The following GABRA2 variants were observed in gnomAD, a reference collection of about 807,000 sequenced individuals.
GABRA2 encodes gamma-aminobutyric acid receptor subunit alpha-2.
GABRA2 carries 16 observed loss-of-function variants against 48.7 expected under a neutral mutation model. The observed-to-expected ratio is 0.33, with a 90% CI of 0.22 to 0.50. The LOEUF (loss-of-function observed/expected upper bound fraction) is 0.50, where lower values mean the gene tolerates loss of function less well. GABRA2 is among the 20% of genes least tolerant of loss of function. The probability of loss-of-function intolerance (pLI) is 0.98; values close to 1 mark genes in which losing one functional copy is unlikely to be tolerated. For missense variants in GABRA2, 275 were observed against 535.6 expected, an observed-to-expected ratio of 0.51 and a Z score of 4.80; for synonymous variants, 185 against 184.5, an observed-to-expected ratio of 1.00 and a Z score of -0.02.
intron 8 of GABRA2, among the ~76,000 whole-genome samples, chr4:46,272,365 C>A: frequency 6.6e-6 from 1 of 151,776 alleles, no homozygotes; most frequent in Non-Finnish European, 1.5e-5. Flanking sequence ...GAAACCACCC[C>A]ACCAGTAATC....
chr4:46,352,681 T>A (rs997735278), intron 3 of GABRA2, among the ~76,000 whole-genome samples: 42 of 152,220 alleles, frequency 2.8e-4, no homozygotes, highest in African/African-American at 9.4e-4. Context: ...CAGGTAATTG[T>A]ATCCATTGTC....
chr4:46,299,448 C>T (rs1264285238), intron 8 of GABRA2, among the ~76,000 whole-genome samples: 1 of 151,750 alleles, frequency 6.6e-6, no homozygotes, highest in African/African-American at 2.4e-5. Context: ...GCAATTTTAA[C>T]TCACTATAGT....
chr4:46,362,943 A>T (rs1392822401), intron 3 of GABRA2, among the ~76,000 whole-genome samples: 1 of 152,186 alleles, frequency 6.6e-6, no homozygotes, highest in Non-Finnish European at 1.5e-5. Flanking sequence ...TTTATAATCT[A>T]CTCAGGTAAT....
chr4:46,277,025 A>G (rs1720636483), intron 8 of GABRA2, among the ~76,000 whole-genome samples: 1 of 152,094 alleles, frequency 6.6e-6, no homozygotes, highest in African/African-American at 2.4e-5. Flanking sequence ...CCAAAAAACA[A>G]TTGCATATAC....
chr4:46,377,643 G>T lies in GABRA2; in HGVS notation c.187+8431C>A, dbSNP rs573159738. 1.5e-4 allele frequency among the ~76,000 whole-genome samples: 22 copies of T among 150,578 alleles called. No individual in the cohort carries two copies. The South Asian group carries it at 4.4e-3, about 30-fold the overall frequency. ...CCGCCCGGCTAGCCGCCCGGTCCAG[G>T]AGGTGAGGGGCGCCTCTGCCCGGCC... On this transcript the variant is annotated intron_variant, in intron 3 of 9. Coordinates refer to ENST00000381620, the MANE Select transcript of GABRA2 (RefSeq NM_000807.4).
chr4:46,378,642 C>T (rs1036122321), intron 3 of GABRA2, among the ~76,000 whole-genome samples: 1 of 147,192 alleles, frequency 6.8e-6, no homozygotes, highest in Non-Finnish European at 1.5e-5. Flanking sequence ...GAGAAACACC[C>T]AAGAATGATC....
chr4:46,266,182 T>A (rs950350135), intron 8 of GABRA2, among the ~76,000 whole-genome samples: 1 of 151,482 alleles, frequency 6.6e-6, no homozygotes. Context: ...TATTCTCTAT[T>A]CAAGTCTTCT....
chr4:46,309,267 T>G (rs764533035), intron 6 of GABRA2, among the ~76,000 whole-genome samples: 4 of 152,162 alleles, frequency 2.6e-5, no homozygotes, highest in African/African-American at 4.8e-5. Flanking sequence ...TTCCGTTTTC[T>G]TTTGCTTGAT....
chr4:46,361,296 T>C (rs550810752), intron 3 of GABRA2, among the ~76,000 whole-genome samples: 1 of 152,244 alleles, frequency 6.6e-6, no homozygotes, highest in East Asian at 1.9e-4. Flanking sequence ...GTGTGCAGTA[T>C]AGGGACTTGG....
At chr4:46,331,736 A>G (rs1455121447) in intron 4 of GABRA2, among the ~76,000 whole-genome samples, 5 of 152,002 alleles carry the variant, frequency 3.3e-5, no homozygotes, top group Admixed American at 6.6e-5. Flanking sequence ...TTGTATTTTA[A>G]TTGATTGATT....
chr4:46,317,777 C>T (rs1728782064), intron 4 of GABRA2, among the ~76,000 whole-genome samples: 1 of 151,204 alleles, frequency 6.6e-6, no homozygotes, highest in Admixed American at 6.6e-5. Context: ...CAAATAAACT[C>T]TAAAAAAAAT....
At chr4:46,388,050 A>G (rs545841807) in intron 2 of GABRA2, among the ~76,000 whole-genome samples, 1 of 152,226 alleles carries the variant, frequency 6.6e-6, no homozygotes, top group African/African-American at 2.4e-5. Flanking sequence ...AGTACTCCTG[A>G]CTGTAAGCAT....
In GABRA2 at chr4:46,250,158, T is replaced by C. The variant is rs1009098288; in HGVS notation, c.*150A>G. On this transcript the variant is annotated 3_prime_UTR_variant, in exon 10 of 10. Coordinates refer to ENST00000381620, the MANE Select transcript of GABRA2 (RefSeq NM_000807.4). ...AGTTCCATGAGTTAGCAAATGCATGTCTCCATTAAAGGTCTACTGGTAAGC... is the reference window on the plus strand; with the variant it reads ...AGTTCCATGAGTTAGCAAATGCATGCCTCCATTAAAGGTCTACTGGTAAGC... The C allele has an allele frequency of 9.7e-6, 6 of 615,898 alleles. No individual in the cohort carries two copies. The highest frequency in any genetic ancestry group is 1.7e-5 in the Non-Finnish European group (6 of 363,348). 38.2% of individuals were successfully genotyped at this position (615,898 alleles called of 1,614,324 possible).
At chr4:46,383,783 AG>A (rs1717077458) in intron 3 of GABRA2, among the ~76,000 whole-genome samples, 1 of 152,180 alleles carries the variant, frequency 6.6e-6, no homozygotes, top group African/African-American at 2.4e-5. Flanking sequence ...AGAAGGGATG[AG>A]GAAAAAATGA....
intron 8 of GABRA2, among the ~76,000 whole-genome samples, chr4:46,271,066 G>C (rs1719235269): frequency 6.6e-6 from 1 of 151,722 alleles, no homozygotes; most frequent in African/African-American, 2.4e-5. Flanking sequence ...ATTTAAATCA[G>C]AAAGACAAAA....
intron 4 of GABRA2, among the ~76,000 whole-genome samples, chr4:46,318,857 G>A (rs913683791): frequency 6.6e-6 from 1 of 151,688 alleles, no homozygotes; most frequent in Non-Finnish European, 1.5e-5. Context: ...GAGACTGACT[G>A]TTGGGTTACA....
intron 4 of GABRA2, among the ~76,000 whole-genome samples, chr4:46,319,668 A>G (rs1027340006): frequency 6.6e-6 from 1 of 151,962 alleles, no homozygotes; most frequent in East Asian, 1.9e-4. Flanking sequence ...CTACAGTTGC[A>G]GAACAACATA....
chr4:46,271,195 A>C (rs2109401371), intron 8 of GABRA2, among the ~76,000 whole-genome samples: 1 of 152,106 alleles, frequency 6.6e-6, no homozygotes, highest in Middle Eastern at 3.4e-3. Flanking sequence ...AAATTGTTTG[A>C]TACCACCTGC....
chr4:46,259,746 G>T (rs1052929986), intron 9 of GABRA2, among the ~76,000 whole-genome samples: 2 of 151,794 alleles, frequency 1.3e-5, no homozygotes, highest in Non-Finnish European at 2.9e-5. Flanking sequence ...CATAAGCCTG[G>T]TTAGTCAGAA....
Sources: gnomAD v4.1 joint callset for allele counts (sites outside exome capture counted in the v4.1 genomes callset) on GRCh38, gnomAD v4.1.1 for gene constraint, MANE v1.5 for transcripts, NCBI Gene and HGNC (gene_info 2026-07-23, HGNC 2026-07-21) for gene names.